The following RFX8 variants were observed in gnomAD, a reference collection of about 807,000 sequenced individuals.
The protein encoded by RFX8 is DNA-binding protein RFX8.
Under a neutral mutation model 54.6 loss-of-function variants are expected in RFX8, and 46 were observed. The observed-to-expected ratio is 0.84, with a 90% CI of 0.67 to 1.08. RFX8 has a LOEUF of 1.08. Ranked by LOEUF, RFX8 falls within the 50% of genes least tolerant of loss-of-function variation. The pLI, the probability that RFX8 is intolerant of heterozygous loss-of-function variation, is 0.00. For synonymous variants in RFX8, 192 were observed against 209.5 expected, an observed-to-expected ratio of 0.92 and a Z score of 0.72; for missense variants, 536 against 562.3, an observed-to-expected ratio of 0.95 and a Z score of 0.47.
At chr2:101,429,286 C>T (rs1038549291) in intron 2 of RFX8, among the ~76,000 whole-genome samples, 2 of 152,110 alleles carry the variant, frequency 1.3e-5, no homozygotes, top group Non-Finnish European at 2.9e-5. Context: ...GGGTAGAATT[C>T]GCTCCTGTGG....
intron 2 of RFX8, chr2:101,450,680 C>A: frequency 1.4e-6 from 2 of 1,459,898 alleles, no homozygotes; most frequent in South Asian, 1.2e-5. Context: ...CATAATGATA[C>A]CTGGAAAAAT....
chr2:101,428,870 C>T, intron 2 of RFX8: 2 of 856,360 alleles, frequency 2.3e-6, no homozygotes, highest in Non-Finnish European at 3.8e-6. Context: ...AGAGTACGCA[C>T]AGAAAAACAG....
chr2:101,461,252 G>C (rs1406044033), intron 2 of RFX8, among the ~76,000 whole-genome samples: 1 of 93,616 alleles, frequency 1.1e-5, no homozygotes, highest in Non-Finnish European at 1.9e-5. Context: ...GACAGAGTGA[G>C]ACTCCATCTC....
intron 6 of RFX8, 66 bp downstream of exon 6, chr2:101,417,468 A>T: frequency 6.9e-7 from 1 of 1,441,750 alleles, no homozygotes; most frequent in Non-Finnish European, 9.3e-7. Context: ...GGCCTTCCAA[A>T]GTGCTGGGAT....
rs552315533 is a variant in RFX8, at chr2:101,407,548, T to A, written c.814-1491A>T. Among the ~76,000 whole-genome samples the A allele has an allele frequency of 1.2e-3, 190 of 152,130 alleles. 1 individual carries two copies. The highest frequency in any genetic ancestry group is 4.3e-3 in the African/African-American group (180 of 41,492). ...CTTTACTAAAAATACAAAAATTAGC[T>A]GGGCAGGGTGGCACACGCCTGTAAT... is the stretch of plus-strand genomic sequence containing the variant. On this transcript the variant is annotated intron_variant, in intron 9 of 11. Transcript: ENST00000428343.
intron 6 of RFX8, 57 bp from the exon 7 acceptor site, chr2:101,414,969 C>A: frequency 7.4e-7 from 1 of 1,349,632 alleles, no homozygotes; most frequent in Non-Finnish European, 1.0e-6. Flanking sequence ...CTCATGTGGG[C>A]AGTGGGGAAG....
chr2:101,409,050 G>T (rs901769235), intron 9 of RFX8, among the ~76,000 whole-genome samples: 1 of 152,118 alleles, frequency 6.6e-6, no homozygotes, highest in Non-Finnish European at 1.5e-5. Flanking sequence ...TCCTGCTCTT[G>T]AATGCCCGAT....
At chr2:101,410,079 CT>C (rs1253060092) in intron 9 of RFX8, among the ~76,000 whole-genome samples, 1 of 152,094 alleles carries the variant, frequency 6.6e-6, no homozygotes. Context: ...TGCTCTCCCC[CT>C]GAAATAGACA....
At chr2:101,432,865 C>T (rs1687566995) in intron 2 of RFX8, among the ~76,000 whole-genome samples, 1 of 152,202 alleles carries the variant, frequency 6.6e-6, no homozygotes, top group African/African-American at 2.4e-5. Context: ...AGAAAAACAA[C>T]AGAGCACAAG....
intron 2 of RFX8, among the ~76,000 whole-genome samples, chr2:101,422,987 G>A (rs1686950946): frequency 6.6e-6 from 1 of 152,176 alleles, no homozygotes; most frequent in African/African-American, 2.4e-5. Flanking sequence ...CCCGGGCATG[G>A]TGGCTCATGC....
Position 101,439,219 on chromosome 2 carries a change from T to C in RFX8, c.73-16747A>G, listed in dbSNP as rs527406356. 4.6e-5 allele frequency among the ~76,000 whole-genome samples: 7 copies of C among 152,328 alleles called. No individual in the cohort carries two copies. In the South Asian group the frequency reaches 1.5e-3, roughly 32 times the overall value. ...GTATGTTTATGTCTTTTGCCCATTT[T>C]CTAATTGGATTGTTTGTTTCTTTTA... is the stretch of plus-strand genomic sequence containing the variant. On this transcript the variant is annotated intron_variant, in intron 2 of 11. Coordinates refer to ENST00000428343, the MANE Select transcript of RFX8 (RefSeq NM_001145664.2).
At chr2:101,464,104 G>C (rs531629482) in intron 2 of RFX8, among the ~76,000 whole-genome samples, 1 of 152,294 alleles carries the variant, frequency 6.6e-6, no homozygotes, top group South Asian at 2.1e-4. Flanking sequence ...TCGCCATGTG[G>C]TTACTTCTCC....
chr2:101,432,601 C>T (rs17192350), intron 2 of RFX8, among the ~76,000 whole-genome samples: 40,991 of 152,102 alleles, frequency 0.27, 5,876 homozygotes, highest in South Asian at 0.35. Flanking sequence ...GAGTGCCCAC[C>T]GGGACAGCTT....
At chr2:101,443,097 A>T (rs1332298878) in intron 2 of RFX8, among the ~76,000 whole-genome samples, 2 of 152,160 alleles carry the variant, frequency 1.3e-5, no homozygotes, top group Non-Finnish European at 2.9e-5. Flanking sequence ...GAATGAATCT[A>T]CCTGGGTTGC....
chr2:101,458,086 T>C (rs1689081538), intron 2 of RFX8, among the ~76,000 whole-genome samples: 1 of 152,186 alleles, frequency 6.6e-6, no homozygotes, highest in Non-Finnish European at 1.5e-5. Flanking sequence ...CATCCCCTTA[T>C]TTTGAGCCTA....
At chr2:101,467,696 G>T (rs752254916) in intron 1 of RFX8, among the ~76,000 whole-genome samples, 1 of 152,070 alleles carries the variant, frequency 6.6e-6, no homozygotes, top group Non-Finnish European at 1.5e-5. Context: ...ACCAATGAGA[G>T]GCTCTGGCTG....
intron 10 of RFX8, 137 bp from the exon 11 acceptor site, chr2:101,402,889 T>C (rs906948262): frequency 3.6e-5 from 28 of 773,874 alleles, no homozygotes; most frequent in Non-Finnish European, 5.3e-5. Context: ...AGAAGAGGCC[T>C]GGGTCGGCCT....
At chr2:101,468,634 T>TC in intron 1 of RFX8, among the ~76,000 whole-genome samples, 1 of 152,064 alleles carries the variant, frequency 6.6e-6, no homozygotes, top group Admixed American at 6.6e-5. Flanking sequence ...TGACTGGATT[T>TC]AGAGCCCATC....
At chr2:101,468,724 G>A (rs1056753405) in intron 1 of RFX8, among the ~76,000 whole-genome samples, 7 of 151,698 alleles carry the variant, frequency 4.6e-5, no homozygotes, top group African/African-American at 1.2e-4. Flanking sequence ...CTGAGGTTCC[G>A]GGTGGACATG....
Sources: gnomAD v4.1 joint callset for allele counts (sites outside exome capture counted in the v4.1 genomes callset) on GRCh38, gnomAD v4.1.1 for gene constraint, MANE v1.5 for transcripts, NCBI Gene and HGNC (gene_info 2026-07-23, HGNC 2026-07-21) for gene names.